RBFOX1: variants seen among roughly 807,000 people sequenced by gnomAD.
The protein encoded by RBFOX1 is RNA binding fox-1 homolog 1, also known as RNA binding protein fox-1 homolog 1.
In RBFOX1, 8 loss-of-function variants were observed where a neutral mutation model predicts 57.7. That is an observed-to-expected ratio of 0.14 (90% CI 0.08 to 0.25). The LOEUF (loss-of-function observed/expected upper bound fraction) is 0.25, where lower values mean the gene tolerates loss of function less well. Among genes scored for constraint, RBFOX1 ranks in the 10% least tolerant of loss-of-function variants. The pLI is 1.00. For synonymous variants in RBFOX1, 326 were observed against 222.4 expected (o/e 1.47, Z -4.15); for missense variants, 611 against 548.5 (o/e 1.11, Z -1.14).
chr16:5,450,989 G>T (rs1364031810), intron 1 of RBFOX1, among the ~76,000 whole-genome samples: 1 of 152,208 alleles, frequency 6.6e-6, no homozygotes, highest in Non-Finnish European at 1.5e-5. Context: ...ATATCTGTCA[G>T]CATGACTGTG....
At chr16:5,385,358 A>G (rs2066230080) in intron 1 of RBFOX1, among the ~76,000 whole-genome samples, 1 of 152,248 alleles carries the variant, frequency 6.6e-6, no homozygotes, top group Non-Finnish European at 1.5e-5. Context: ...TCCATTGTCC[A>G]GGCAGAGAGG....
intron 3 of RBFOX1, among the ~76,000 whole-genome samples, chr16:7,031,245 C>G (rs1474246336): frequency 6.6e-6 from 1 of 152,142 alleles, no homozygotes; most frequent in African/African-American, 2.4e-5. Flanking sequence ...CCTCTATTTA[C>G]TCATGATGTC....
chr16:5,817,960 G>C (rs1159034311), intron 3 of RBFOX1, among the ~76,000 whole-genome samples: 1 of 151,914 alleles, frequency 6.6e-6, no homozygotes, highest in Non-Finnish European at 1.5e-5. Flanking sequence ...AAAGTGCTGG[G>C]ATTACGGGCG....
intron 3 of RBFOX1, among the ~76,000 whole-genome samples, chr16:6,845,328 C>A (rs201473688): frequency 2.0e-5 from 3 of 151,562 alleles, no homozygotes; most frequent in Non-Finnish European, 4.4e-5. Context: ...ACATTTAACT[C>A]TTTAATCTTT....
chr16:6,887,413 G>A (rs1168097081), intron 3 of RBFOX1, among the ~76,000 whole-genome samples: 1 of 152,140 alleles, frequency 6.6e-6, no homozygotes, highest in Non-Finnish European at 1.5e-5. Flanking sequence ...AAAGGATATG[G>A]TTGTATCATC....
At chr16:5,451,929 A>G (rs2068437901) in intron 1 of RBFOX1, among the ~76,000 whole-genome samples, 1 of 152,042 alleles carries the variant, frequency 6.6e-6, no homozygotes. Context: ...CCTGAGCTCC[A>G]GCTGTATGGC....
chr16:6,840,893 A>G (rs1467107573), intron 3 of RBFOX1, among the ~76,000 whole-genome samples: 1 of 142,756 alleles, frequency 7.0e-6, no homozygotes, highest in Admixed American at 7.1e-5. Flanking sequence ...GTCTCAAAAA[A>G]AAAAAAAAAA....
At chr16:7,600,722 A>G (rs1193698163) in intron 9 of RBFOX1, among the ~76,000 whole-genome samples, 1 of 152,238 alleles carries the variant, frequency 6.6e-6, no homozygotes, top group Non-Finnish European at 1.5e-5. Context: ...TCAATCATGT[A>G]TCCAGAAAAA....
intron 3 of RBFOX1, among the ~76,000 whole-genome samples, chr16:5,637,958 C>G (rs1383840095): frequency 6.6e-6 from 1 of 152,244 alleles, no homozygotes; most frequent in Non-Finnish European, 1.5e-5. Context: ...GTCCAGTGTT[C>G]TCAAGTATTT....
chr16:5,971,731 G>C (rs1183605733), intron 4 of RBFOX1, among the ~76,000 whole-genome samples: 1 of 152,182 alleles, frequency 6.6e-6, no homozygotes, highest in East Asian at 1.9e-4. Flanking sequence ...TATTACATTT[G>C]CAGTTGTTAT....
At chr16:7,526,364 A>C (rs868079704) in intron 5 of RBFOX1, among the ~76,000 whole-genome samples, 12 of 152,304 alleles carry the variant, frequency 7.9e-5, no homozygotes, top group Middle Eastern at 3.4e-3. Flanking sequence ...CAAACAGGTC[A>C]GTTAAGGCCT....
intron 2 of RBFOX1, among the ~76,000 whole-genome samples, chr16:6,634,182 A>G (rs184319993): frequency 1.9e-4 from 29 of 152,320 alleles, no homozygotes; most frequent in Admixed American, 1.6e-3. Flanking sequence ...AGAAAAGTCA[A>G]TAAACAGTAA....
intron 4 of RBFOX1, among the ~76,000 whole-genome samples, chr16:7,271,796 T>C (rs569638798): frequency 3.9e-5 from 6 of 152,046 alleles, no homozygotes; most frequent in Admixed American, 2.6e-4. Flanking sequence ...TAGGCTCTTA[T>C]TGTAAATGTC....
chr16:7,347,692 C>T (rs989791235), intron 4 of RBFOX1, among the ~76,000 whole-genome samples: 1 of 152,302 alleles, frequency 6.6e-6, no homozygotes, highest in Non-Finnish European at 1.5e-5. Flanking sequence ...AGTCTTCATT[C>T]AACTTTTGCT....
rs932803956 is a variant in RBFOX1, at chr16:5,714,067, T to G, written c.318+115106T>G. Among the ~76,000 whole-genome samples the G allele has an allele frequency of 9.8e-5, 15 of 152,322 alleles. 1 individual carries two copies. In the East Asian group the frequency reaches 2.9e-3, roughly 29 times the overall value. ...AATATGAGCCTATGCACTCCATAAATTAGGAGCCGCCTTCAGTTCTCTTTG... is the reference window on the plus strand; with the variant it reads ...AATATGAGCCTATGCACTCCATAAAGTAGGAGCCGCCTTCAGTTCTCTTTG... On this transcript the variant is annotated intron_variant, in intron 3 of 19. Coordinates refer to the RBFOX1 transcript ENST00000641259.
chr16:6,250,682 G>A (rs992951634), intron 1 of RBFOX1, among the ~76,000 whole-genome samples: 4 of 152,128 alleles, frequency 2.6e-5, no homozygotes, highest in African/African-American at 4.8e-5. Flanking sequence ...GAAGCCTGCC[G>A]GCTGTTCTCA....
At chr16:6,946,485 C>T (rs934723627) in intron 3 of RBFOX1, among the ~76,000 whole-genome samples, 1 of 152,144 alleles carries the variant, frequency 6.6e-6, no homozygotes, top group African/African-American at 2.4e-5. Context: ...TTCTGCATAG[C>T]CTGTTTTCTC....
chr16:7,019,722 A>C (rs2094110192), intron 3 of RBFOX1, among the ~76,000 whole-genome samples: 1 of 152,230 alleles, frequency 6.6e-6, no homozygotes, highest in South Asian at 2.1e-4. Flanking sequence ...TAAAGAGAAC[A>C]AGCTTGGTTT....
chr16:6,999,967 G>A (rs994635876), intron 3 of RBFOX1, among the ~76,000 whole-genome samples: 2 of 151,664 alleles, frequency 1.3e-5, no homozygotes, highest in Non-Finnish European at 2.9e-5. Flanking sequence ...AGCTACTCCA[G>A]AGGCTGAGGC....
Sources: gnomAD v4.1 joint callset for allele counts (sites outside exome capture counted in the v4.1 genomes callset) on GRCh38, gnomAD v4.1.1 for gene constraint, MANE v1.5 for transcripts, NCBI Gene and HGNC (gene_info 2026-07-23, HGNC 2026-07-21) for gene names.